The following DNAJC1 variants were observed in gnomAD, a reference collection of about 807,000 sequenced individuals.
The protein encoded by DNAJC1 is DnaJ heat shock protein family (Hsp40) member C1, also known as dnaJ homolog subfamily C member 1.
DNAJC1 carries 58 observed loss-of-function variants against 76.6 expected under a neutral mutation model. That is an observed-to-expected ratio of 0.76 (90% CI 0.61 to 0.94). The LOEUF (loss-of-function observed/expected upper bound fraction) is 0.94. DNAJC1 is among the 40% of genes least tolerant of loss of function. DNAJC1 has a pLI of 0.00. For missense variants in DNAJC1, 689 were observed against 677.3 expected, an observed-to-expected ratio of 1.02 and a Z score of -0.19; for synonymous variants, 258 against 267.9, an observed-to-expected ratio of 0.96 and a Z score of 0.36.
At chr10:21,851,917 G>C (rs1835761198) in intron 8 of DNAJC1, among the ~76,000 whole-genome samples, 1 of 151,954 alleles carries the variant, frequency 6.6e-6, no homozygotes, top group South Asian at 2.1e-4. Context: ...AGCTGGCCTG[G>C]TGGCGGGCGC....
Position 21,870,957 on chromosome 10 carries a change from G to C in DNAJC1, c.978+11325C>G, listed in dbSNP as rs529771858. Among the ~76,000 whole-genome samples, 101 of 151,780 alleles carry C rather than the reference G, an allele frequency of 6.7e-4. 1 individual carries two copies. Among genetic ancestry groups the C allele is most frequent in the African/African-American group, 2.4e-3 (100 of 41,338 alleles). ...CAACCTGTATTACCAGTACTAGAAG[G>C]AACAGAATGAACTAACTTGCAAAGA... On this transcript the variant is annotated intron_variant, in intron 8 of 11. Transcript: ENST00000376980.
At chr10:21,856,587 T>C (rs562119761) in intron 8 of DNAJC1, among the ~76,000 whole-genome samples, 1 of 152,264 alleles carries the variant, frequency 6.6e-6, no homozygotes, top group South Asian at 2.1e-4. Flanking sequence ...CAAGGCTTTT[T>C]TTCCTCCTAA....
At chr10:21,863,117 AGTG>A (rs1327062902) in intron 8 of DNAJC1, among the ~76,000 whole-genome samples, 1 of 152,106 alleles carries the variant, frequency 6.6e-6, no homozygotes, top group African/African-American at 2.4e-5. Context: ...GGGCAACAAG[AGTG>A]AAACTCCGTC....
intron 9 of DNAJC1, among the ~76,000 whole-genome samples, chr10:21,790,342 T>C (rs1435395850): frequency 6.6e-6 from 1 of 151,344 alleles, no homozygotes; most frequent in Non-Finnish European, 1.5e-5. Context: ...CTCAAAAAGA[T>C]CCTCCCAGAG....
At position 21,904,509 on chromosome 10, in the gene DNAJC1, G is replaced by C; in HGVS notation, c.820+13C>G. Reference sequence around the variant, plus strand: ...TATATGACATTGTTAAAACACTAATGTTTAAAACTCACTTTGAAGTGTTTC... The same window carrying C: ...TATATGACATTGTTAAAACACTAATCTTTAAAACTCACTTTGAAGTGTTTC... On this transcript the variant is annotated intron_variant, in intron 7 of 11. Coordinates refer to ENST00000376980, the MANE Select transcript of DNAJC1 (RefSeq NM_022365.4). 6.7e-7 allele frequency: 1 copy of C among 1,501,420 alleles called. No individual in the cohort carries two copies. The highest frequency in any genetic ancestry group is 2.3e-5 in the East Asian group (1 of 42,854). The allele number at this position is 1,501,420 out of a possible 1,614,324, so 93.0% of individuals were successfully genotyped here. A position where few individuals can be genotyped will look rare whatever the true frequency, so the allele number is the denominator to read the frequency against.
intron 8 of DNAJC1, among the ~76,000 whole-genome samples, chr10:21,828,798 C>CT (rs1163482452): frequency 2.6e-5 from 4 of 152,152 alleles, no homozygotes; most frequent in Non-Finnish European, 5.9e-5. Context: ...CTGACCTACA[C>CT]TTTTTCTTTT....
Position 21,989,940 on chromosome 10 carries a change from T to C in DNAJC1, c.222+13273A>G, listed in dbSNP as rs528202543. On this transcript the variant is annotated intron_variant, in intron 1 of 11. Transcript: ENST00000376980. ...TAAAATTCCACTCGCAGAAACATAA[T>C]ATTTCAATTATCAAAGAGAAATTAT... Among the ~76,000 whole-genome samples, 5 of 152,306 alleles carry C rather than the reference T, an allele frequency of 3.3e-5. No individual in the cohort carries two copies. In the South Asian group the frequency reaches 6.2e-4, roughly 19 times the overall value.
intron 8 of DNAJC1, among the ~76,000 whole-genome samples, chr10:21,820,800 T>A (rs1408834386): frequency 6.6e-6 from 1 of 152,332 alleles, no homozygotes; most frequent in East Asian, 1.9e-4. Flanking sequence ...CAGGGAAATA[T>A]GTTTTACTGG....
In DNAJC1 at chr10:21,951,318, CA is replaced by C. The variant is rs1308554406; in HGVS notation, c.223-22178del. 5.9e-3 allele frequency among the ~76,000 whole-genome samples: 760 copies of C among 127,956 alleles called. 1 individual carries two copies. Among genetic ancestry groups the C allele is most frequent in the Non-Finnish European group, 7.8e-3 (463 of 59,444 alleles). 83.9% of individuals were successfully genotyped at this position (127,956 alleles called of 152,430 possible). On this transcript the variant is annotated intron_variant, in intron 1 of 11. Transcript: ENST00000376980. The stretch of plus-strand genomic sequence containing the variant: ...CTGGGTGACAGAGCGAGATCCATCT[CA>C]AAAAAAAAAAAAGTAATCTAGACAA...
At chr10:21,825,353 G>GT (rs776368643) in intron 8 of DNAJC1, among the ~76,000 whole-genome samples, 3 of 152,178 alleles carry the variant, frequency 2.0e-5, no homozygotes, top group Non-Finnish European at 2.9e-5. Flanking sequence ...TTCATCCCCA[G>GT]TGTAGCATCT....
intron 9 of DNAJC1, chr10:21,785,205 T>A (rs551016200): frequency 6.6e-6 from 1 of 152,370 alleles, no homozygotes; most frequent in East Asian, 1.9e-4. Flanking sequence ...AGGCCAATTC[T>A]ATCCTCTTAA....
At chr10:21,871,636 C>T (rs898782392) in intron 8 of DNAJC1, among the ~76,000 whole-genome samples, 8 of 152,074 alleles carry the variant, frequency 5.3e-5, no homozygotes, top group South Asian at 4.1e-4. Flanking sequence ...TTTAAAATGT[C>T]TAATTTTCGT....
At chr10:21,803,962 G>A in intron 9 of DNAJC1, 1 of 984,826 alleles carries the variant, frequency 1.0e-6, no homozygotes, top group African/African-American at 1.7e-5. Flanking sequence ...TGCAGACACG[G>A]AATCATTCTG....
In DNAJC1 at chr10:21,774,072, C is replaced by T. The variant is rs1176089538; in HGVS notation, c.1099-7763G>A. Reference sequence around the variant, plus strand: ...AGGAGAATGGCGTGAACCCGGGAGGCGGAGCTTGCAGTGAGCCGAGATCCC... The same window carrying T: ...AGGAGAATGGCGTGAACCCGGGAGGTGGAGCTTGCAGTGAGCCGAGATCCC... On this transcript the variant is annotated intron_variant, in intron 9 of 11. Coordinates refer to ENST00000376980, the MANE Select transcript of DNAJC1 (RefSeq NM_022365.4). Among the ~76,000 whole-genome samples the T allele has an allele frequency of 5.0e-5, 7 of 140,894 alleles. No individual in the cohort carries two copies. The East Asian group carries it at 1.0e-3, about 21-fold the overall frequency. The allele number at this position is 140,894 out of a possible 152,430, so 92.4% of individuals were successfully genotyped here. A position where few individuals can be genotyped will look rare whatever the true frequency, so the allele number is the denominator to read the frequency against.
At chr10:21,841,578 G>C (rs527756201) in intron 8 of DNAJC1, among the ~76,000 whole-genome samples, 1 of 152,254 alleles carries the variant, frequency 6.6e-6, no homozygotes, top group East Asian at 1.9e-4. Context: ...AGTTAGAATG[G>C]CGATCATTAA....
At chr10:21,881,786 TG>T (rs1219856651) in intron 8 of DNAJC1, among the ~76,000 whole-genome samples, 1 of 148,164 alleles carries the variant, frequency 6.7e-6, no homozygotes. Context: ...GAGATGCTTT[TG>T]GAAAAATGGT....
intron 1 of DNAJC1, among the ~76,000 whole-genome samples, chr10:21,983,801 G>T (rs189653246): frequency 1.3e-5 from 2 of 152,092 alleles, no homozygotes; most frequent in African/African-American, 4.8e-5. Context: ...TTGTTTAATC[G>T]GTGCAGAGTT....
At chr10:21,822,696 T>C (rs888450821) in intron 8 of DNAJC1, among the ~76,000 whole-genome samples, 24 of 152,042 alleles carry the variant, frequency 1.6e-4, no homozygotes, top group Admixed American at 6.6e-5. Flanking sequence ...AACATACATA[T>C]ATATTGTATC....
At chr10:21,812,996 G>T (rs988318323) in intron 8 of DNAJC1, among the ~76,000 whole-genome samples, 34 of 143,932 alleles carry the variant, frequency 2.4e-4, no homozygotes, top group African/African-American at 8.6e-4. Flanking sequence ...GTTTTCCAAG[G>T]ATAAATGATA....
Sources: gnomAD v4.1 joint callset for allele counts (sites outside exome capture counted in the v4.1 genomes callset) on GRCh38, gnomAD v4.1.1 for gene constraint, MANE v1.5 for transcripts, NCBI Gene and HGNC (gene_info 2026-07-23, HGNC 2026-07-21) for gene names.